Variants in FOXP1 observed in about 807,000 individuals in gnomAD.
The protein encoded by FOXP1 is forkhead box protein P1.
A neutral mutation model predicts 98.2 loss-of-function variants in FOXP1; 15 were observed. The observed-to-expected ratio is 0.15, with a 90% confidence interval of 0.10 to 0.24. The LOEUF (loss-of-function observed/expected upper bound fraction) is 0.24. Among genes scored for constraint, FOXP1 ranks in the 10% least tolerant of loss-of-function variants. The pLI is 1.00. For missense variants in FOXP1, 633 were observed against 848.5 expected, an observed-to-expected ratio of 0.75 and a Z score of 3.15; for synonymous variants, 371 against 314.5, an observed-to-expected ratio of 1.18 and a Z score of -1.90.
At chr3:71,259,936 A>G (rs1210524600) in intron 5 of FOXP1, among the ~76,000 whole-genome samples, 1 of 152,124 alleles carries the variant, frequency 6.6e-6, no homozygotes, top group African/African-American at 2.4e-5. Flanking sequence ...AGGCAGGGAC[A>G]TGAAGGAAGA....
intron 3 of FOXP1, among the ~76,000 whole-genome samples, chr3:71,474,850 C>T (rs1401462062): frequency 6.6e-6 from 1 of 152,016 alleles, no homozygotes; most frequent in African/African-American, 2.4e-5. Flanking sequence ...ATGTTATGTG[C>T]TTGAATCATC....
intron 5 of FOXP1, among the ~76,000 whole-genome samples, chr3:71,205,208 T>A (rs539990171): frequency 3.9e-5 from 6 of 152,288 alleles, no homozygotes; most frequent in Admixed American, 3.9e-4. Flanking sequence ...ACCCAATTAA[T>A]TTCCGAATTG....
intron 2 of FOXP1, among the ~76,000 whole-genome samples, chr3:71,515,015 T>G (rs1385210132): frequency 6.6e-6 from 1 of 152,208 alleles, no homozygotes; most frequent in Non-Finnish European, 1.5e-5. Context: ...ACTACCATTT[T>G]TTATAGAAGT....
At chr3:71,363,180 T>G (rs1045020945) in intron 3 of FOXP1, among the ~76,000 whole-genome samples, 1 of 152,140 alleles carries the variant, frequency 6.6e-6, no homozygotes, top group African/African-American at 2.4e-5. Context: ...ATTGAAAATT[T>G]TTTCAATTTT....
intron 2 of FOXP1, among the ~76,000 whole-genome samples, chr3:71,555,564 T>A (rs2046066198): frequency 6.6e-6 from 1 of 152,224 alleles, no homozygotes; most frequent in African/African-American, 2.4e-5. Context: ...TATATAATTA[T>A]CTCATTTACT....
chr3:71,203,099 T>C (rs1487956339), intron 5 of FOXP1, among the ~76,000 whole-genome samples: 2 of 152,184 alleles, frequency 1.3e-5, no homozygotes. Flanking sequence ...GGCCACACCA[T>C]ACCCACAAAC....
intron 20 of FOXP1, among the ~76,000 whole-genome samples, chr3:70,962,301 T>C (rs1371464718): frequency 6.6e-6 from 1 of 152,226 alleles, no homozygotes; most frequent in African/African-American, 2.4e-5. Flanking sequence ...CAATGACCAC[T>C]TTTATCCATT....
intron 11 of FOXP1, among the ~76,000 whole-genome samples, chr3:71,020,960 CATGTT>C (rs1172594416): frequency 6.6e-6 from 1 of 152,148 alleles, no homozygotes; most frequent in African/African-American, 2.4e-5. Context: ...ATTTCACTGG[CATGTT>C]ATTTGATAAA....
At chr3:71,487,159 A>G (rs1358401455) in intron 3 of FOXP1, among the ~76,000 whole-genome samples, 1 of 148,192 alleles carries the variant, frequency 6.7e-6, no homozygotes, top group Non-Finnish European at 1.5e-5. Flanking sequence ...ACGCAAATTG[A>G]AAAAAAAAAC....
rs1205127364 is a variant in FOXP1 at position 70,956,231 on chromosome 3, G to T, written c.*3016C>A. On this transcript the variant is annotated 3_prime_UTR_variant, in exon 21 of 21. Transcript: ENST00000649528. The stretch of plus-strand genomic sequence containing the variant: ...ACAAAGATTCACACAGACACATCGG[G>T]ATATATGTACAACGTAATAAACCCC... The T allele has an allele frequency of 4.3e-6, 1 of 233,322 alleles. No homozygotes were observed. The highest frequency in any genetic ancestry group is 8.5e-6 in the Non-Finnish European group (1 of 117,976). The allele number at this position is 233,322 out of a possible 1,614,324, so 14.5% of individuals were successfully genotyped here.
intron 4 of FOXP1, among the ~76,000 whole-genome samples, chr3:71,322,000 G>C (rs1185811550): frequency 6.6e-6 from 1 of 152,142 alleles, no homozygotes; most frequent in African/African-American, 2.4e-5. Context: ...GGGAAAATGG[G>C]GTAATGAGAT....
chr3:71,164,903 A>G (rs1189841874), intron 6 of FOXP1, among the ~76,000 whole-genome samples: 1 of 152,150 alleles, frequency 6.6e-6, no homozygotes, highest in Non-Finnish European at 1.5e-5. Flanking sequence ...TTTGCCTCCA[A>G]AGTTATAAAG....
At chr3:71,047,808 C>T (rs1474184915) in intron 9 of FOXP1, among the ~76,000 whole-genome samples, 1 of 152,152 alleles carries the variant, frequency 6.6e-6, no homozygotes, top group Non-Finnish European at 1.5e-5. Context: ...TCCTGCTTCC[C>T]CCATCTGCTT....
intron 4 of FOXP1, among the ~76,000 whole-genome samples, chr3:71,309,912 G>A (rs1223259328): frequency 1.3e-5 from 2 of 152,018 alleles, no homozygotes; most frequent in African/African-American, 4.8e-5. Context: ...GACTTTAGAT[G>A]TGGACATAAA....
At chr3:71,208,269 G>T (rs769488961) in intron 5 of FOXP1, among the ~76,000 whole-genome samples, 1 of 152,080 alleles carries the variant, frequency 6.6e-6, no homozygotes, top group Non-Finnish European at 1.5e-5. Flanking sequence ...GTCCTTGTTT[G>T]TTCCACAAAG....
At chr3:71,474,883 T>A (rs2089684385) in intron 3 of FOXP1, among the ~76,000 whole-genome samples, 1 of 152,042 alleles carries the variant, frequency 6.6e-6, no homozygotes, top group Non-Finnish European at 1.5e-5. Context: ...CCTCCTCTGG[T>A]CCATGGAAAA....
rs1338291540 is a variant in FOXP1, at chr3:71,397,033, TGTGTATATATATATAC to T, written c.-167-37805_-167-37790del. Among the ~76,000 whole-genome samples, 14 of 77,038 alleles carry T rather than the reference TGTGTATATATATATAC, an allele frequency of 1.8e-4. 2 individuals are homozygous for T. Among genetic ancestry groups the T allele is most frequent in the African/African-American group, 6.2e-4 (11 of 17,806 alleles). The allele number at this position is 77,038 out of a possible 152,430, so 50.5% of individuals were successfully genotyped here. A position where few individuals can be genotyped will look rare whatever the true frequency, so the allele number is the denominator to read the frequency against. On this transcript the variant is annotated intron_variant, in intron 3 of 20. Transcript: ENST00000649528. ...GTATATATATATATATACATATATA[TGTGTATATATATATAC>T]ACATATATATGTGTATATATATATA...
chr3:71,576,389 T>C (rs2047720353), intron 2 of FOXP1, among the ~76,000 whole-genome samples: 1 of 152,234 alleles, frequency 6.6e-6, no homozygotes. Context: ...CAATTAGCTT[T>C]GCACAGGCAC....
At chr3:71,231,151 T>C (rs1020103828) in intron 5 of FOXP1, among the ~76,000 whole-genome samples, 1 of 152,362 alleles carries the variant, frequency 6.6e-6, no homozygotes, top group South Asian at 2.1e-4. Flanking sequence ...ATGAGGACAA[T>C]TTGGTTTAAA....
Sources: gnomAD v4.1 joint callset for allele counts (sites outside exome capture counted in the v4.1 genomes callset) on GRCh38, gnomAD v4.1.1 for gene constraint, MANE v1.5 for transcripts, NCBI Gene and HGNC (gene_info 2026-07-23, HGNC 2026-07-21) for gene names.